TTC22: variants seen among roughly 807,000 people sequenced by gnomAD.
The protein encoded by TTC22 is tetratricopeptide repeat protein 22.
A neutral mutation model predicts 48.2 loss-of-function variants in TTC22; 42 were observed. That is an observed-to-expected ratio of 0.87 (90% CI 0.68 to 1.13). The LOEUF is 1.13. Ranked by LOEUF, TTC22 falls within the 50% of genes most tolerant of loss-of-function variation. The probability of loss-of-function intolerance (pLI) is 0.00; values close to 1 mark genes in which losing one functional copy is unlikely to be tolerated. For missense variants in TTC22, 784 were observed against 807.0 expected (o/e 0.97, Z 0.34); for synonymous variants, 345 against 365.5 (o/e 0.94, Z 0.64).
At chr1:54,792,914 T>C (rs1646363631) in intron 1 of TTC22, 1 of 152,196 alleles carries the variant, frequency 6.6e-6, no homozygotes. Flanking sequence ...TCCTGGAGAA[T>C]AAAGTTGCTG....
rs763232403 is a variant in TTC22 at position 54,787,709 on chromosome 1, ACCTCGGTGG to A, written c.732_739+1del. The stretch of plus-strand genomic sequence containing the variant: ...TGTCCCACCCATCCCCCGGGTCCCC[ACCTCGGTGG>A]CGGGGGTCCTCGGACTTCAGCACTT... On this transcript the variant is annotated splice_donor_variant and coding_sequence_variant, in exon 3 of 7. Transcript: ENST00000371276. LOFTEE classifies it high-confidence loss of function. The A allele has an allele frequency of 6.2e-6, 10 of 1,608,228 alleles. No individual in the cohort carries two copies. In the South Asian group the frequency reaches 1.0e-4, roughly 16 times the overall value.
At chr1:54,791,826 C>A (rs901339530) in intron 1 of TTC22, among the ~76,000 whole-genome samples, 2 of 152,158 alleles carry the variant, frequency 1.3e-5, no homozygotes, top group African/African-American at 4.8e-5. Context: ...AACCACAGTA[C>A]ATGATAGAGC....
chr1:54,783,159 G>A (rs1448347187), intron 5 of TTC22, among the ~76,000 whole-genome samples: 1 of 152,170 alleles, frequency 6.6e-6, no homozygotes, highest in Non-Finnish European at 1.5e-5. Context: ...AGGAAGCAAG[G>A]GAAAAGGGGT....
rs1312702568 is a variant in TTC22 at position 54,787,831 on chromosome 1, G to A, written c.624-5C>T. ...TCCAGGAAGATGCCATCTAGCCTGT[G>A]GCCGAGAAGGAGATGTGGTTGGGTG... On this transcript the variant is annotated splice_polypyrimidine_tract_variant and splice_region_variant and intron_variant, in intron 2 of 6. Transcript: ENST00000371276. The A allele has an allele frequency of 1.2e-6, 2 of 1,601,898 alleles. No individual in the cohort carries two copies. Among genetic ancestry groups the A allele is most frequent in the African/African-American group, 2.7e-5 (2 of 74,568 alleles).
At chr1:54,787,209 G>C (rs1263378184) in intron 3 of TTC22, 134 bp from the exon 4 acceptor site, 2 of 557,290 alleles carry the variant, frequency 3.6e-6, no homozygotes, top group Non-Finnish European at 6.3e-6. Context: ...GGGCAACACA[G>C]GGACAGAGAG....
chr1:54,793,726 T>G (rs1408817211), intron 1 of TTC22, among the ~76,000 whole-genome samples: 1 of 152,222 alleles, frequency 6.6e-6, no homozygotes, highest in East Asian at 1.9e-4. Context: ...ACACTTACTA[T>G]GCACCAGGCA....
intron 3 of TTC22, 152 bp downstream of exon 3, chr1:54,787,559 T>C (rs1168311193): frequency 9.2e-6 from 6 of 649,442 alleles, no homozygotes; most frequent in Non-Finnish European, 1.7e-5. Context: ...GTATGTGGGC[T>C]CCTTGAGGTG....
chr1:54,783,168 GTTA>G (rs2101439699), intron 5 of TTC22, among the ~76,000 whole-genome samples: 1 of 152,314 alleles, frequency 6.6e-6, no homozygotes, highest in South Asian at 2.1e-4. Context: ...GGGAAAAGGG[GTTA>G]TTGTTGTTGA....
At chr1:54,796,504 T>C (rs1646392685) in intron 1 of TTC22, among the ~76,000 whole-genome samples, 1 of 152,188 alleles carries the variant, frequency 6.6e-6, no homozygotes, top group East Asian at 1.9e-4. Flanking sequence ...TGAATAAAAA[T>C]TAAATGCGCA....
At position 54,781,645 on chromosome 1, in the gene TTC22, C is replaced by T. The variant is rs773758105; in HGVS notation, c.1308G>A (p.Leu436=). 6.5e-7 allele frequency: 1 copy of T among 1,530,686 alleles called. No homozygotes were observed. The highest frequency in any genetic ancestry group is 1.2e-5 in the South Asian group (1 of 83,242). 94.8% of individuals were successfully genotyped at this position (1,530,686 alleles called of 1,614,324 possible). A position where few individuals can be genotyped will look rare whatever the true frequency, so the allele number is the denominator to read the frequency against. Residue 436 remains leucine (L), a synonymous_variant, in exon 7 of 7, where the codon CTG becomes CTA. Coordinates refer to ENST00000371276, the MANE Select transcript of TTC22 (RefSeq NM_001114108.2). The part of the protein sequence containing the change: ...ELGATLPELQ[L]LRGKCLRIKG... ...TGATGCGCAGGCACTTGCCGCGCAGCAGCTGCAGCTCGGGCAGCGTGGCAC... is the reference window on the plus strand; with the variant it reads ...TGATGCGCAGGCACTTGCCGCGCAGTAGCTGCAGCTCGGGCAGCGTGGCAC...
intron 4 of TTC22, chr1:54,786,394 G>A (rs1486493615): frequency 2.3e-6 from 1 of 435,256 alleles, no homozygotes; most frequent in Non-Finnish European, 4.2e-6. Flanking sequence ...GTCACATCCA[G>A]TAAAGCCTTC....
At chr1:54,794,238 G>A (rs1646374021) in intron 1 of TTC22, among the ~76,000 whole-genome samples, 2 of 152,164 alleles carry the variant, frequency 1.3e-5, no homozygotes, top group Admixed American at 1.3e-4. Flanking sequence ...CCTGTGGGCT[G>A]GGTGAGGAAG....
chr1:54,795,373 A>G (rs1004024599), intron 1 of TTC22, among the ~76,000 whole-genome samples: 2 of 152,150 alleles, frequency 1.3e-5, no homozygotes, highest in Non-Finnish European at 2.9e-5. Context: ...TGCAGATTTT[A>G]AGCTTTGAGC....
chr1:54,788,887 T>C (rs1483538847), intron 1 of TTC22, among the ~76,000 whole-genome samples: 1 of 152,168 alleles, frequency 6.6e-6, no homozygotes, highest in Non-Finnish European at 1.5e-5. Context: ...CTGGGTGCTC[T>C]GGGAATGTGG....
At chr1:54,792,183 G>C (rs1046497576) in intron 1 of TTC22, among the ~76,000 whole-genome samples, 1 of 152,218 alleles carries the variant, frequency 6.6e-6, no homozygotes, top group Non-Finnish European at 1.5e-5. Flanking sequence ...TTTCAAAAAA[G>C]TAGCTAATTG....
In TTC22 at chr1:54,782,370, C is replaced by T. The variant is rs374496095; in HGVS notation, c.1128G>A (p.Val376=). ...LACAKADLEE[V]VRVCPGFKAY... is the part of the protein sequence containing the mutation. ...CCTTGAAGCCTGGGCACACCCTGAC[C>T]ACTTCCTCAAGGTCAGCCTTGGCAC... Residue 376 remains valine (V), a synonymous_variant, in exon 6 of 7, where the codon GTG becomes GTA. Coordinates refer to ENST00000371276, the MANE Select transcript of TTC22 (RefSeq NM_001114108.2). 4.6e-5 allele frequency: 71 copies of T among 1,551,028 alleles called. No homozygotes were observed. In the African/African-American group the frequency reaches 7.7e-4, roughly 17 times the overall value.
rs1646255365 is a variant in TTC22, at chr1:54,780,729, C to T, written c.*514G>A. 6.6e-6 allele frequency: 1 copy of T among 152,426 alleles called. No individual in the cohort carries two copies. Among genetic ancestry groups the T allele is most frequent in the African/African-American group, 2.4e-5 (1 of 41,468 alleles). The allele number at this position is 152,426 out of a possible 1,614,324, so 9.4% of individuals were successfully genotyped here. ...AGGGCCCTGTCCCGTAACTCACTCGCCGTGCCACCCTGCCCTCTGCTTTAG... is the reference window on the plus strand; with the variant it reads ...AGGGCCCTGTCCCGTAACTCACTCGTCGTGCCACCCTGCCCTCTGCTTTAG... On this transcript the variant is annotated 3_prime_UTR_variant, in exon 7 of 7. Transcript: ENST00000371276.
chr1:54,779,825 T>C lies in TTC22; in HGVS notation c.*1418A>G, dbSNP rs959413704. The C allele has an allele frequency of 6.6e-6, 1 of 152,230 alleles. No homozygotes were observed. Among genetic ancestry groups the C allele is most frequent in the Non-Finnish European group, 1.5e-5 (1 of 68,038 alleles). The allele number at this position is 152,230 out of a possible 1,614,324, so 9.4% of individuals were successfully genotyped here. A position where few individuals can be genotyped will look rare whatever the true frequency, so the allele number is the denominator to read the frequency against. ...CTTTGGGCAAGCCACTTCCCTTCTA[T>C]GGCTCTCAGTTTTCCCATCTGCACA... On this transcript the variant is annotated 3_prime_UTR_variant, in exon 7 of 7. Transcript: ENST00000371276.
At chr1:54,785,343 G>A (rs1646291616) in intron 5 of TTC22, 1 of 289,568 alleles carries the variant, frequency 3.5e-6, no homozygotes, top group Non-Finnish European at 6.8e-6. Context: ...TTTGGGAACT[G>A]AAGTTTGTGG....
Sources: gnomAD v4.1 joint callset for allele counts (sites outside exome capture counted in the v4.1 genomes callset) on GRCh38, gnomAD v4.1.1 for gene constraint, MANE v1.5 for transcripts, NCBI Gene and HGNC (gene_info 2026-07-23, HGNC 2026-07-21) for gene names.